The following L3MBTL3 variants were observed in gnomAD, a reference collection of about 807,000 sequenced individuals.
L3MBTL3 encodes L3MBTL histone methyl-lysine binding protein 3.
In L3MBTL3, 27 loss-of-function variants were observed where a neutral mutation model predicts 102.3. That is an observed-to-expected ratio of 0.26 (90% CI 0.19 to 0.36). The LOEUF (loss-of-function observed/expected upper bound fraction) is 0.36. L3MBTL3 is among the 10% of genes least tolerant of loss of function. The pLI is 1.00. For missense variants in L3MBTL3, 798 were observed against 955.3 expected, an observed-to-expected ratio of 0.84 and a Z score of 2.17; for synonymous variants, 340 against 320.9, an observed-to-expected ratio of 1.06 and a Z score of -0.64.
At chr6:130,104,376 A>G (rs1290934454) in intron 18 of L3MBTL3, 50 bp from the exon 19 acceptor site, 1 of 1,351,022 alleles carries the variant, frequency 7.4e-7, no homozygotes, top group Non-Finnish European at 9.9e-7. Flanking sequence ...AGTATGGCCT[A>G]ATGGAAATGT....
intron 20 of L3MBTL3, among the ~76,000 whole-genome samples, chr6:130,121,928 C>A (rs188906577): frequency 1.6e-3 from 236 of 152,254 alleles, no homozygotes; most frequent in Non-Finnish European, 3.0e-3. Flanking sequence ...TGCCTGTAGT[C>A]CCAGCTACTC....
chr6:130,052,739 G>C (rs760194786), intron 6 of L3MBTL3, 120 bp from the exon 7 acceptor site: 298 of 1,239,832 alleles, frequency 2.4e-4, no homozygotes, highest in Non-Finnish European at 3.1e-4. Context: ...TCTCCTGGTA[G>C]TTAAAGATTT....
At chr6:130,030,632 A>G (rs1444234809) in intron 2 of L3MBTL3, among the ~76,000 whole-genome samples, 2 of 138,740 alleles carry the variant, frequency 1.4e-5, no homozygotes, top group Admixed American at 8.0e-5. Flanking sequence ...TTGCCCCTGC[A>G]TTCTAGCCTG....
At chr6:130,075,766 G>A (rs934415223) in intron 13 of L3MBTL3, among the ~76,000 whole-genome samples, 1 of 152,026 alleles carries the variant, frequency 6.6e-6, no homozygotes. Flanking sequence ...GAAACTATGG[G>A]TAATACAGGT....
chr6:130,043,450 A>T (rs549994533), intron 3 of L3MBTL3, among the ~76,000 whole-genome samples: 1 of 152,156 alleles, frequency 6.6e-6, no homozygotes, highest in South Asian at 2.1e-4. Flanking sequence ...TTCCAGGACC[A>T]CTTCTGTTGT....
chr6:130,136,400 C>A (rs1286052590), intron 22 of L3MBTL3, among the ~76,000 whole-genome samples: 2 of 152,256 alleles, frequency 1.3e-5, no homozygotes, highest in East Asian at 3.9e-4. Context: ...GGCCTCCTTG[C>A]TCTTCCTCTG....
chr6:130,123,248 TTC>T (rs1253113213), intron 20 of L3MBTL3, among the ~76,000 whole-genome samples: 4 of 152,152 alleles, frequency 2.6e-5, no homozygotes, highest in African/African-American at 9.6e-5. Flanking sequence ...ATTTTTTTCT[TTC>T]TGTTTTTCTT....
In L3MBTL3 at chr6:130,052,761, G is replaced by A. The variant is rs550422977; in HGVS notation, c.450-98G>A. On this transcript the variant is annotated intron_variant, in intron 6 of 22. Transcript: ENST00000361794. ...GTAGTTAAAGATTTTTCCTTTGCAG[G>A]GTGATTTTTTTTTAATGATTGTTGC... 1.7e-5 allele frequency: 24 copies of A among 1,423,392 alleles called. No individual in the cohort carries two copies. In the East Asian group the frequency reaches 5.7e-4, roughly 34 times the overall value. The allele number at this position is 1,423,392 out of a possible 1,614,324, so 88.2% of individuals were successfully genotyped here. A position where few individuals can be genotyped will look rare whatever the true frequency, so the allele number is the denominator to read the frequency against.
intron 8 of L3MBTL3, 94 bp from the exon 9 acceptor site, chr6:130,057,312 G>A (rs1781570087): frequency 2.2e-6 from 2 of 902,698 alleles, no homozygotes; most frequent in Non-Finnish European, 3.6e-6. Flanking sequence ...GAAGAGCCAG[G>A]CAGCGTATCA....
At chr6:130,107,886 CT>C (rs1785087245) in intron 19 of L3MBTL3, among the ~76,000 whole-genome samples, 1 of 152,140 alleles carries the variant, frequency 6.6e-6, no homozygotes, top group Non-Finnish European at 1.5e-5. Flanking sequence ...CATCTAAGCT[CT>C]TAATGTAGCT....
chr6:130,123,238 A>AT (rs1436089391), intron 20 of L3MBTL3, among the ~76,000 whole-genome samples: 1 of 151,386 alleles, frequency 6.6e-6, no homozygotes, highest in Admixed American at 6.6e-5. Flanking sequence ...TGTCTTTCTA[A>AT]TTTTTTTCTT....
At chr6:130,122,507 A>C (rs1161692890) in intron 20 of L3MBTL3, among the ~76,000 whole-genome samples, 5 of 152,232 alleles carry the variant, frequency 3.3e-5, no homozygotes, top group Admixed American at 6.5e-5. Context: ...GGATGATGAT[A>C]GTATACCTCC....
At chr6:130,095,602 A>C (rs537186689) in intron 18 of L3MBTL3, among the ~76,000 whole-genome samples, 3 of 152,314 alleles carry the variant, frequency 2.0e-5, no homozygotes, top group African/African-American at 7.2e-5. Context: ...GAACGTACTA[A>C]ATTTCCATTA....
chr6:130,065,472 T>G (rs1021845373), intron 10 of L3MBTL3, among the ~76,000 whole-genome samples: 4 of 152,194 alleles, frequency 2.6e-5, no homozygotes, highest in African/African-American at 9.7e-5. Flanking sequence ...GAATTTTAAC[T>G]ATATGTTTTA....
At chr6:130,104,315 A>G in intron 18 of L3MBTL3, 111 bp from the exon 19 acceptor site, 2 of 634,572 alleles carry the variant, frequency 3.2e-6, no homozygotes, top group Non-Finnish European at 5.0e-6. Context: ...TAACATATTC[A>G]GTTAAATTTT....
intron 10 of L3MBTL3, among the ~76,000 whole-genome samples, chr6:130,064,575 T>C (rs1782121238): frequency 6.6e-6 from 1 of 151,898 alleles, no homozygotes; most frequent in South Asian, 2.1e-4. Flanking sequence ...GTGGTTAGCA[T>C]GGGGGAAGAA....
intron 19 of L3MBTL3, among the ~76,000 whole-genome samples, chr6:130,118,307 C>T (rs968043718): frequency 6.6e-6 from 1 of 152,176 alleles, no homozygotes; most frequent in Admixed American, 6.5e-5. Flanking sequence ...TCCTTCAAGG[C>T]GTGTTATAAA....
chr6:130,120,862 A>T lies in L3MBTL3; in HGVS notation c.1887-17A>T, dbSNP rs1221290819. The T allele has an allele frequency of 6.3e-7, 1 of 1,586,766 alleles. No homozygotes were observed. Among genetic ancestry groups the T allele is most frequent in the Admixed American group, 1.7e-5 (1 of 58,878 alleles). On this transcript the variant is annotated splice_polypyrimidine_tract_variant and intron_variant, in intron 19 of 22. Transcript: ENST00000361794. ...AATGTTTCTCTTATAAAATATTGAA[A>T]TGCCTGTTTTTCTTAGAGACCAGCA... is the stretch of plus-strand genomic sequence containing the variant.
intron 8 of L3MBTL3, 129 bp from the exon 9 acceptor site, chr6:130,057,277 A>G: frequency 2.7e-6 from 2 of 733,782 alleles, no homozygotes; most frequent in Non-Finnish European, 4.8e-6. Flanking sequence ...GAAGAGAGAC[A>G]GAGATACCAG....
Sources: allele counts gnomAD v4.1 joint callset (sites outside exome capture counted in the v4.1 genomes callset), GRCh38; gene constraint gnomAD v4.1.1; transcripts MANE v1.5; gene names NCBI Gene and HGNC (gene_info 2026-07-23, HGNC 2026-07-21).